STOX2: variants seen among roughly 807,000 people sequenced by gnomAD.
The protein encoded by STOX2 is storkhead box 2.
Under a neutral mutation model 60.9 loss-of-function variants are expected in STOX2, and 28 were observed. The observed-to-expected ratio is 0.46, with a 90% CI of 0.34 to 0.63. The LOEUF is 0.63. Ranked by LOEUF, STOX2 falls within the 30% of genes least tolerant of loss-of-function variation. The pLI is 0.01. For synonymous variants in STOX2, 472 were observed against 463.9 expected (o/e 1.02, Z -0.22); for missense variants, 1,024 against 1,187.7 (o/e 0.86, Z 2.03).
At chr4:183,844,344 G>T (rs1739938617) in intron 1 of STOX2, among the ~76,000 whole-genome samples, 1 of 152,148 alleles carries the variant, frequency 6.6e-6, no homozygotes, top group South Asian at 2.1e-4. Flanking sequence ...CCTGACATTT[G>T]TAGCTGAGTG....
intron 1 of STOX2, among the ~76,000 whole-genome samples, chr4:183,950,979 G>A (rs1279493586): frequency 2.6e-5 from 4 of 152,122 alleles, no homozygotes; most frequent in Non-Finnish European, 4.4e-5. Flanking sequence ...ACTTTGGGAG[G>A]CCGAGGCGGG....
In STOX2 at chr4:183,906,809, A is replaced by T; in HGVS notation, c.19A>T (p.Thr7Ser). 1 of 1,556,734 alleles carries T rather than the reference A, an allele frequency of 6.4e-7. No individual in the cohort carries two copies. Among genetic ancestry groups the T allele is most frequent in the Non-Finnish European group, 8.7e-7 (1 of 1,150,484 alleles). MKKTRSTTLRRAWPSSD... is the reference protein window; with the variant it reads MKKTRSSTLRRAWPSSD... ...CCCCACCATGAAGAAGACCCGGAGCACAACCTTGCGGCGAGCCTGGCCTAG... is the reference window on the plus strand; with the variant it reads ...CCCCACCATGAAGAAGACCCGGAGCTCAACCTTGCGGCGAGCCTGGCCTAG... The change falls in exon 1 of 4, where the codon ACA (threonine) becomes TCA (serine). Residue 7 changes from threonine to serine, a missense_variant. This residue lies in a region of STOX2 where 98 missense variants were observed against 110.2 expected (regional missense o/e 0.89). Coordinates refer to ENST00000308497, the MANE Select transcript of STOX2 (RefSeq NM_020225.3).
rs1410742762 is a variant in STOX2 at position 184,021,558 on chromosome 4, C to G, written c.*4274C>G. On this transcript the variant is annotated 3_prime_UTR_variant, in exon 4 of 4. Transcript: ENST00000308497. ...ACCCAAATGCCACTGCAGTCAGAAG[C>G]AGATCTGGACACACCCTTGTTTACA... is the stretch of plus-strand genomic sequence containing the variant. 6.6e-6 allele frequency: 1 copy of G among 152,102 alleles called. No homozygotes were observed. Among genetic ancestry groups the G allele is most frequent in the East Asian group, 1.9e-4 (1 of 5,200 alleles). The allele number at this position is 152,102 out of a possible 1,614,324, so 9.4% of individuals were successfully genotyped here. A position where few individuals can be genotyped will look rare whatever the true frequency, so the allele number is the denominator to read the frequency against.
chr4:183,875,289 C>T (rs1043282940), intron 1 of STOX2, among the ~76,000 whole-genome samples: 3 of 152,096 alleles, frequency 2.0e-5, no homozygotes, highest in African/African-American at 7.2e-5. Flanking sequence ...CCCTTCCCTC[C>T]GCTTCCTCAA....
In STOX2 at chr4:183,865,309, T is replaced by A. The variant is rs556704911; in HGVS notation, c.364+67254T>A. Reference sequence around the variant, plus strand: ...ATTCTCTCTCTTCTTAGATACTCGGTTTTAAAGTGACTGGGGTGGGTGGGA... The same window carrying A: ...ATTCTCTCTCTTCTTAGATACTCGGATTTAAAGTGACTGGGGTGGGTGGGA... On this transcript the variant is annotated intron_variant, in intron 1 of 2. Coordinates refer to the STOX2 transcript ENST00000513034. The surrounding 1 kb of genome is among the most constrained non-coding windows in gnomAD (Gnocchi z 4.1). 5.3e-5 allele frequency among the ~76,000 whole-genome samples: 8 copies of A among 152,266 alleles called. No individual in the cohort carries two copies. The highest frequency in any genetic ancestry group is 3.3e-4 in the Admixed American group (5 of 15,282).
chr4:183,800,955 G>A (rs2111090308), intron 1 of STOX2, among the ~76,000 whole-genome samples: 1 of 152,350 alleles, frequency 6.6e-6, no homozygotes, highest in East Asian at 1.9e-4. Flanking sequence ...TGGCTGTGCT[G>A]TGGTACAGTT....
chr4:183,933,579 G>T (rs1446177623), intron 1 of STOX2, among the ~76,000 whole-genome samples: 1 of 152,122 alleles, frequency 6.6e-6, no homozygotes, highest in Non-Finnish European at 1.5e-5. Context: ...AGTAGAGACG[G>T]GGTTTCGCCA....
At chr4:183,964,186 G>T (rs114329410) in intron 1 of STOX2, among the ~76,000 whole-genome samples, 3,243 of 152,302 alleles carry the variant, frequency 0.021, 121 homozygotes, top group African/African-American at 0.074. Context: ...CAAGGGAGAT[G>T]ATCTGCTTCA....
At chr4:183,882,446 G>A (rs1400022587) in intron 1 of STOX2, among the ~76,000 whole-genome samples, 2 of 152,204 alleles carry the variant, frequency 1.3e-5, no homozygotes, top group African/African-American at 2.4e-5. Context: ...GATATTGCAA[G>A]AGTTCAGTGA....
chr4:184,009,075 G>A lies in STOX2; in HGVS notation c.320-83G>A. On this transcript the variant is annotated intron_variant, in intron 2 of 3. Coordinates refer to ENST00000308497, the MANE Select transcript of STOX2 (RefSeq NM_020225.3). The surrounding 1 kb of genome is among the most constrained non-coding windows in gnomAD (Gnocchi z 4.0). ...CTCTGTGATGGTACTTCGCATCTTG[G>A]CGAATGAATAGGATCCTGGAAATCA... 9.1e-7 allele frequency: 1 copy of A among 1,099,532 alleles called. No individual in the cohort carries two copies. Among genetic ancestry groups the A allele is most frequent in the Non-Finnish European group, 1.3e-6 (1 of 779,776 alleles). 68.1% of individuals were successfully genotyped at this position (1,099,532 alleles called of 1,614,324 possible).
chr4:183,941,526 C>T (rs949737832), intron 1 of STOX2, among the ~76,000 whole-genome samples: 1 of 152,302 alleles, frequency 6.6e-6, no homozygotes, highest in African/African-American at 2.4e-5. Context: ...TGAGATCGCA[C>T]CACTGCACTC....
Position 183,857,401 on chromosome 4 carries a change from CAT to C in STOX2, c.364+59348_364+59349del, listed in dbSNP as rs1560849189. ...GGTTATCCCGCAGGACTGGTTGCCT[CAT>C]AGGATTGGTCATCCCACAGGACTGG... On this transcript the variant is annotated intron_variant, in intron 1 of 2. Coordinates refer to the STOX2 transcript ENST00000513034. 8.2e-4 allele frequency among the ~76,000 whole-genome samples: 123 copies of C among 150,718 alleles called. 1 individual carries two copies. The highest frequency in any genetic ancestry group is 2.9e-3 in the African/African-American group (119 of 40,680).
intron 1 of STOX2, among the ~76,000 whole-genome samples, chr4:183,965,292 T>C (rs533451129): frequency 7.2e-5 from 11 of 152,278 alleles, no homozygotes; most frequent in Non-Finnish European, 1.5e-4. Context: ...CTTTAATCCT[T>C]TAAATGAGGA....
chr4:183,953,389 A>G (rs1329003671), intron 1 of STOX2, among the ~76,000 whole-genome samples: 4 of 152,050 alleles, frequency 2.6e-5, no homozygotes, highest in Non-Finnish European at 4.4e-5. Flanking sequence ...CCCCTTTACC[A>G]CTTTGCATTG....
At position 183,866,964 on chromosome 4, in the gene STOX2, C is replaced by G. The variant is rs1194500965; in HGVS notation, c.364+68909C>G. Among the ~76,000 whole-genome samples, 4 of 152,152 alleles carry G rather than the reference C, an allele frequency of 2.6e-5. No individual in the cohort carries two copies. The East Asian group carries it at 7.7e-4, about 29-fold the overall frequency. On this transcript the variant is annotated intron_variant, in intron 1 of 2. Transcript: ENST00000513034. The stretch of plus-strand genomic sequence containing the variant: ...TGAATAGAAGTTGAAGCAATTTACC[C>G]TCACATTTGATACTCCGTGATACAA...
intron 1 of STOX2, among the ~76,000 whole-genome samples, chr4:183,822,756 C>G (rs1023177417): frequency 1.3e-5 from 2 of 152,220 alleles, no homozygotes; most frequent in Non-Finnish European, 2.9e-5. Context: ...GGCCACAGTA[C>G]CGGTCTGTGG....
chr4:183,820,721 G>A (rs1466981399), intron 1 of STOX2, among the ~76,000 whole-genome samples: 1 of 152,154 alleles, frequency 6.6e-6, no homozygotes, highest in East Asian at 1.9e-4. Flanking sequence ...AATAACAGAA[G>A]CTGTCTGTGC....
chr4:183,898,326 G>T lies in STOX2; in HGVS notation c.364+100271G>T, dbSNP rs576595350. Reference sequence around the variant, plus strand: ...AGAATGACTCCCAGGTTCTTGCCCTGGGAGACTGGACAGTGGGACTCCCAT... The same window carrying T: ...AGAATGACTCCCAGGTTCTTGCCCTTGGAGACTGGACAGTGGGACTCCCAT... On this transcript the variant is annotated intron_variant, in intron 1 of 2. Transcript: ENST00000513034. Among the ~76,000 whole-genome samples the T allele has an allele frequency of 2.6e-5, 4 of 152,074 alleles. No individual in the cohort carries two copies. The South Asian group carries it at 8.5e-4, about 32-fold the overall frequency.
At chr4:183,998,640 C>T (rs115302831) in intron 1 of STOX2, among the ~76,000 whole-genome samples, 2 of 152,074 alleles carry the variant, frequency 1.3e-5, no homozygotes, top group African/African-American at 4.8e-5. Context: ...CTCCCAGGCT[C>T]AAGCGATCTT....
Sources: allele counts gnomAD v4.1 joint callset (sites outside exome capture counted in the v4.1 genomes callset), GRCh38; gene constraint gnomAD v4.1.1; regional missense constraint gnomAD v4.1.1; non-coding constraint Gnocchi (gnomAD v3.1); transcripts MANE v1.5; gene names NCBI Gene and HGNC (gene_info 2026-07-23, HGNC 2026-07-21).